Variants in CACNA1G observed in about 807,000 individuals in gnomAD.
The protein encoded by CACNA1G is voltage-dependent T-type calcium channel subunit alpha-1G.
In CACNA1G, 67 loss-of-function variants were observed where a neutral mutation model predicts 219.4. That is an observed-to-expected ratio of 0.31 (90% CI 0.25 to 0.37). The LOEUF (loss-of-function observed/expected upper bound fraction) is 0.37, where lower values mean the gene tolerates loss of function less well. Ranked by LOEUF, CACNA1G falls within the 10% of genes least tolerant of loss-of-function variation. The probability of loss-of-function intolerance (pLI) is 1.00; values close to 1 mark genes in which losing one functional copy is unlikely to be tolerated. For synonymous variants in CACNA1G, 1,296 were observed against 1,345.3 expected (o/e 0.96, Z 0.80); for missense variants, 2,380 against 3,231.4 (o/e 0.74, Z 6.39).
chr17:50,627,281 G>A lies in CACNA1G; in HGVS notation c.*530G>A, dbSNP rs916795027. 9 of 451,580 alleles carry A rather than the reference G, an allele frequency of 2.0e-5. No homozygotes were observed. Among genetic ancestry groups the A allele is most frequent in the East Asian group, 7.0e-5 (1 of 14,350 alleles). The allele number at this position is 451,580 out of a possible 1,614,324, so 28.0% of individuals were successfully genotyped here. A position where few individuals can be genotyped will look rare whatever the true frequency, so the allele number is the denominator to read the frequency against. On this transcript the variant is annotated 3_prime_UTR_variant, in exon 38 of 38. Transcript: ENST00000359106. Reference sequence around the variant, plus strand: ...CGGTGGCCCATCTTCAGCGGAGAGCGAGAACCATTTTGGAAACTGTAATGT... The same window carrying A: ...CGGTGGCCCATCTTCAGCGGAGAGCAAGAACCATTTTGGAAACTGTAATGT...
rs2046465740 is a variant in CACNA1G, at chr17:50,600,793, C to T, written c.3758C>T (p.Ser1253Phe). ...RLPACCLERDSWSAYIFPPQS... is the reference protein window; with the variant it reads ...RLPACCLERDFWSAYIFPPQS... ...CCTGCCTGCTGCCTCGAGCGAGACT[C>T]CTGGTCAGCCTACATCTTCCCTCCT... Residue 1253 changes from serine (S) to phenylalanine (F), a missense_variant, in exon 18 of 38, where the codon TCC (serine) becomes TTC (phenylalanine). Ser to Phe is a radical substitution (Grantham distance 155). Coordinates refer to ENST00000359106, the MANE Select transcript of CACNA1G (RefSeq NM_018896.5). This position sits in a 1 kb window ranked among gnomAD's most constrained non-coding sequence, Gnocchi z 4.1. 1 of 1,613,756 alleles carries T rather than the reference C, an allele frequency of 6.2e-7. No individual in the cohort carries two copies. Among genetic ancestry groups the T allele is most frequent in the Non-Finnish European group, 8.5e-7 (1 of 1,179,854 alleles).
chr17:50,603,146 G>T lies in CACNA1G; in HGVS notation c.4116G>T (p.Lys1372Asn). 6.2e-7 allele frequency: 1 copy of T among 1,612,172 alleles called. No individual in the cohort carries two copies. Residue 1372 changes from lysine (K) to asparagine (N), a missense_variant, in exon 21 of 38, where the codon AAG becomes AAT. Lys to Asn is a moderately conservative substitution (Grantham distance 94). Coordinates refer to ENST00000359106, the MANE Select transcript of CACNA1G (RefSeq NM_018896.5). This position sits in a 1 kb window ranked among gnomAD's most constrained non-coding sequence, Gnocchi z 6.4. ...CCATGGTCTCTGACAGCGGCACCAA[G>T]ATCCTGGGCATGCTGAGGGTGCTGC... The part of the protein sequence containing the change: ...LVSMVSDSGT[K>N]ILGMLRVLRL...
chr17:50,621,175 G>C lies in CACNA1G; in HGVS notation c.5926-485G>C, dbSNP rs1449626856. 6.6e-6 allele frequency among the ~76,000 whole-genome samples: 1 copy of C among 152,242 alleles called. No homozygotes were observed. The highest frequency in any genetic ancestry group is 1.5e-5 in the Non-Finnish European group (1 of 68,042). Reference sequence around the variant, plus strand: ...AAGCCGAGAGAATAGGCAGAAAACAGCCGTCAGATTGGTGGCATTGTCGCC... The same window carrying C: ...AAGCCGAGAGAATAGGCAGAAAACACCCGTCAGATTGGTGGCATTGTCGCC... On this transcript the variant is annotated intron_variant, in intron 34 of 37. Transcript: ENST00000359106. The surrounding 1 kb of genome is among the most constrained non-coding windows in gnomAD (Gnocchi z 4.6).
intron 1 of CACNA1G, among the ~76,000 whole-genome samples, chr17:50,562,787 C>A (rs1253821877): frequency 6.6e-6 from 1 of 152,132 alleles, no homozygotes; most frequent in Non-Finnish European, 1.5e-5. Context: ...GAATGCAAGC[C>A]CCACATTCCA....
chr17:50,609,034 C>T (rs1375616189), intron 25 of CACNA1G, among the ~76,000 whole-genome samples: 1 of 152,162 alleles, frequency 6.6e-6, no homozygotes, highest in African/African-American at 2.4e-5. Context: ...CTCTCTTCAC[C>T]TTTTCACAAA....
At chr17:50,619,240 C>G (rs2051203352) in intron 33 of CACNA1G, among the ~76,000 whole-genome samples, 1 of 152,240 alleles carries the variant, frequency 6.6e-6, no homozygotes, top group Non-Finnish European at 1.5e-5. Flanking sequence ...TGCCCTGCTC[C>G]TCCAGCCTGG....
chr17:50,597,479 T>C (rs2045798795), intron 16 of CACNA1G, among the ~76,000 whole-genome samples: 2 of 152,224 alleles, frequency 1.3e-5, no homozygotes. Context: ...TTTTATTTAT[T>C]TTTAATTTTT....
chr17:50,582,534 C>T (rs958095055), intron 9 of CACNA1G, among the ~76,000 whole-genome samples: 1 of 152,188 alleles, frequency 6.6e-6, no homozygotes, highest in East Asian at 1.9e-4. Flanking sequence ...AAGGTGCCTG[C>T]GGGCCATCCT....
chr17:50,625,029 C>A (rs540326442), intron 37 of CACNA1G, among the ~76,000 whole-genome samples: 1 of 151,642 alleles, frequency 6.6e-6, no homozygotes, highest in African/African-American at 2.4e-5. Flanking sequence ...CTTGGCTCCC[C>A]GCAACCTCCG....
In CACNA1G at chr17:50,578,149, G is replaced by C; in HGVS notation, c.1925-39G>C. On this transcript the variant is annotated intron_variant, in intron 8 of 37. Coordinates refer to ENST00000359106, the MANE Select transcript of CACNA1G (RefSeq NM_018896.5). The surrounding 1 kb of genome is among the most constrained non-coding windows in gnomAD (Gnocchi z 4.5). Reference sequence around the variant, plus strand: ...CACAGGGCAGGGTAGCCCCAGGTACGAGACTCTGGAGCCTCTCACCTCTAC... The same window carrying C: ...CACAGGGCAGGGTAGCCCCAGGTACCAGACTCTGGAGCCTCTCACCTCTAC... 1.9e-5 allele frequency: 28 copies of C among 1,506,846 alleles called. No individual in the cohort carries two copies. The highest frequency in any genetic ancestry group is 2.5e-5 in the Non-Finnish European group (28 of 1,131,416). The allele number at this position is 1,506,846 out of a possible 1,614,324, so 93.3% of individuals were successfully genotyped here.
intron 11 of CACNA1G, 39 bp downstream of exon 11, chr17:50,591,659 C>G (rs1373324271): frequency 6.2e-7 from 1 of 1,610,066 alleles, no homozygotes; most frequent in East Asian, 2.2e-5. Context: ...GAGAGACCGG[C>G]CAGGCTGGGG....
rs568154795 is a variant in CACNA1G at position 50,626,508 on chromosome 17, G to A, written c.6891G>A (p.Gly2297=). The A allele has an allele frequency of 2.2e-5, 34 of 1,576,394 alleles. No individual in the cohort carries two copies. Among genetic ancestry groups the A allele is most frequent in the Non-Finnish European group, 1.5e-5 (18 of 1,163,356 alleles). Residue 2297 remains glycine, a synonymous_variant, in exon 38 of 38, where the codon GGG becomes GGA. Coordinates refer to ENST00000359106, the MANE Select transcript of CACNA1G (RefSeq NM_018896.5). This position sits in a 1 kb window ranked among gnomAD's most constrained non-coding sequence, Gnocchi z 4.3. ...PSNLGGQPLG[G]PGSRPKKKLS... ...ACCTTGGGGGCCAGCCTCTTGGGGGGCCTGGGAGCCGGCCCAAGAAAAAAC... is the reference window on the plus strand; with the variant it reads ...ACCTTGGGGGCCAGCCTCTTGGGGGACCTGGGAGCCGGCCCAAGAAAAAAC...
rs2040605537 is a variant in CACNA1G at position 50,576,181 on chromosome 17, G to T, written c.1779G>T (p.Val593=). 6.2e-7 allele frequency: 1 copy of T among 1,610,426 alleles called. No individual in the cohort carries two copies. The highest frequency in any genetic ancestry group is 8.5e-7 in the Non-Finnish European group (1 of 1,178,952). The change falls in exon 8 of 38, where the codon GTG becomes GTT. Residue 593 remains valine, a synonymous_variant. Transcript: ENST00000359106. Reference sequence around the variant, plus strand: ...GCAGCGGGAAGGTGTATCCCACCGTGCACACCAGCCCTCCACCGGAGACGC... The same window carrying T: ...GCAGCGGGAAGGTGTATCCCACCGTTCACACCAGCCCTCCACCGGAGACGC... ...TVGSGKVYPT[V]HTSPPPETLK...
chr17:50,627,215 G>A lies in CACNA1G; in HGVS notation c.*464G>A. 1 of 454,226 alleles carries A rather than the reference G, an allele frequency of 2.2e-6. No homozygotes were observed. The highest frequency in any genetic ancestry group is 1.6e-5 in the South Asian group (1 of 64,466). 28.1% of individuals were successfully genotyped at this position (454,226 alleles called of 1,614,324 possible). A position where few individuals can be genotyped will look rare whatever the true frequency, so the allele number is the denominator to read the frequency against. ...CAGTCTAGTTATATTCCCTCTTCTT[G>A]CAAAGCACAAGCTGGGACCGCGAGC... is the stretch of plus-strand genomic sequence containing the variant. On this transcript the variant is annotated 3_prime_UTR_variant, in exon 38 of 38. Coordinates refer to ENST00000359106, the MANE Select transcript of CACNA1G (RefSeq NM_018896.5).
chr17:50,612,017 A>C (rs2049317859), intron 26 of CACNA1G, among the ~76,000 whole-genome samples: 1 of 152,250 alleles, frequency 6.6e-6, no homozygotes. Flanking sequence ...ACAAGGGCTC[A>C]GGTCATCCCA....
In CACNA1G at chr17:50,578,659, G is replaced by A. The variant is rs2041235310; in HGVS notation, c.2301+95G>A. ...CTCCGCACCCCTCCTCCTGAGCTCAGCTTCCTCTCCATGCTGCTAGCCCAC... is the reference window on the plus strand; with the variant it reads ...CTCCGCACCCCTCCTCCTGAGCTCAACTTCCTCTCCATGCTGCTAGCCCAC... On this transcript the variant is annotated intron_variant, in intron 9 of 37. Coordinates refer to ENST00000359106, the MANE Select transcript of CACNA1G (RefSeq NM_018896.5). This position sits in a 1 kb window ranked among gnomAD's most constrained non-coding sequence, Gnocchi z 4.5. The A allele has an allele frequency of 7.7e-7, 1 of 1,291,498 alleles. No homozygotes were observed. Among genetic ancestry groups the A allele is most frequent in the South Asian group, 1.6e-5 (1 of 64,330 alleles). 80.0% of individuals were successfully genotyped at this position (1,291,498 alleles called of 1,614,324 possible).
intron 5 of CACNA1G, 82 bp from the exon 6 acceptor site, chr17:50,572,472 C>T (rs1003083578): frequency 1.2e-5 from 15 of 1,216,440 alleles, no homozygotes; most frequent in African/African-American, 4.6e-5. Context: ...CTCGAGCACT[C>T]GTGCCATCTC....
intron 9 of CACNA1G, among the ~76,000 whole-genome samples, chr17:50,583,654 G>C (rs1167902998): frequency 6.6e-6 from 1 of 151,350 alleles, no homozygotes; most frequent in Non-Finnish European, 1.5e-5. Context: ...CAGTGGCTTG[G>C]GTGGTGGGGG....
At chr17:50,574,629 A>T (rs2040224289) in intron 7 of CACNA1G, among the ~76,000 whole-genome samples, 1 of 152,106 alleles carries the variant, frequency 6.6e-6, no homozygotes, top group Non-Finnish European at 1.5e-5. Flanking sequence ...AGACAGGGAG[A>T]TAAGGGGCCT....
Sources: allele counts gnomAD v4.1 joint callset (sites outside exome capture counted in the v4.1 genomes callset), GRCh38; gene constraint gnomAD v4.1.1; non-coding constraint Gnocchi (gnomAD v3.1); transcripts MANE v1.5; gene names NCBI Gene and HGNC (gene_info 2026-07-23, HGNC 2026-07-21).